Variants in CRIM1 observed in about 807,000 individuals in gnomAD.
CRIM1 encodes the protein cysteine rich transmembrane BMP regulator 1.
Under a neutral mutation model 116.4 loss-of-function variants are expected in CRIM1, and 32 were observed. That is an observed-to-expected ratio of 0.27 (90% CI 0.21 to 0.37). The LOEUF is 0.37. Among genes scored for constraint, CRIM1 ranks in the 10% least tolerant of loss-of-function variants. CRIM1 has a pLI of 1.00. For missense variants in CRIM1, 1,331 were observed against 1,354.8 expected (o/e 0.98, Z 0.28); for synonymous variants, 590 against 509.2 (o/e 1.16, Z -2.13).
intron 1 of CRIM1, among the ~76,000 whole-genome samples, chr2:36,381,500 G>A (rs1209859692): frequency 6.6e-6 from 1 of 152,228 alleles, no homozygotes; most frequent in East Asian, 1.9e-4. Flanking sequence ...AGGCCAGAAT[G>A]CAGAAGCAAT....
intron 2 of CRIM1, among the ~76,000 whole-genome samples, chr2:36,404,650 C>G (rs1672655922): frequency 6.6e-6 from 1 of 152,178 alleles, no homozygotes; most frequent in East Asian, 1.9e-4. Flanking sequence ...TCTAAATGAC[C>G]TAAATTGCAA....
intron 2 of CRIM1, among the ~76,000 whole-genome samples, chr2:36,405,509 C>T (rs761179149): frequency 3.3e-5 from 5 of 152,198 alleles, no homozygotes; most frequent in Non-Finnish European, 7.3e-5. Flanking sequence ...GATGGTCACA[C>T]AGAGAGCTGG....
intron 2 of CRIM1, among the ~76,000 whole-genome samples, chr2:36,423,500 C>T (rs1217504936): frequency 6.6e-6 from 1 of 152,168 alleles, no homozygotes; most frequent in Admixed American, 6.5e-5. Flanking sequence ...TCATTGTGTA[C>T]AGACATTTCC....
intron 5 of CRIM1, among the ~76,000 whole-genome samples, chr2:36,466,055 T>G (rs1677996172): frequency 6.6e-6 from 1 of 151,910 alleles, no homozygotes; most frequent in African/African-American, 2.4e-5. Context: ...GCGGCTAATT[T>G]TTTTGTATTT....
intron 2 of CRIM1, among the ~76,000 whole-genome samples, chr2:36,409,232 C>A (rs776269392): frequency 6.6e-6 from 1 of 152,134 alleles, no homozygotes; most frequent in African/African-American, 2.4e-5. Flanking sequence ...TATGCCCTCC[C>A]TATTCTTTTA....
intron 4 of CRIM1, among the ~76,000 whole-genome samples, chr2:36,453,134 A>G (rs1205744181): frequency 1.3e-5 from 2 of 152,214 alleles, no homozygotes; most frequent in African/African-American, 4.8e-5. Context: ...TACATTGGAT[A>G]TGGCTTATTG....
intron 1 of CRIM1, chr2:36,378,364 G>T: frequency 2.1e-6 from 1 of 471,138 alleles, no homozygotes; most frequent in Non-Finnish European, 4.4e-6. Context: ...TAGCTGCGGG[G>T]TATTGAATTT....
At chr2:36,496,445 T>A (rs558235950) in intron 7 of CRIM1, among the ~76,000 whole-genome samples, 1 of 152,326 alleles carries the variant, frequency 6.6e-6, no homozygotes, top group Non-Finnish European at 1.5e-5. Context: ...TCCCTGTTTC[T>A]TTCATCTAAT....
intron 12 of CRIM1, 113 bp downstream of exon 12, chr2:36,517,655 C>A (rs1346878337): frequency 3.0e-6 from 3 of 988,034 alleles, no homozygotes; most frequent in Non-Finnish European, 4.4e-6. Flanking sequence ...TGTGCCAAAC[C>A]CAGTATCCCA....
At chr2:36,425,393 G>A (rs893710178) in intron 2 of CRIM1, among the ~76,000 whole-genome samples, 2 of 152,286 alleles carry the variant, frequency 1.3e-5, no homozygotes, top group Admixed American at 6.5e-5. Flanking sequence ...TTCACTAGGA[G>A]TACTGGTACA....
chr2:36,355,787 G>T lies in CRIM1; in HGVS notation c.-506G>T, dbSNP rs900255355. 4 of 151,552 alleles carry T rather than the reference G, an allele frequency of 2.6e-5. No individual in the cohort carries two copies. Among genetic ancestry groups the T allele is most frequent in the African/African-American group, 9.7e-5 (4 of 41,260 alleles). The allele number at this position is 151,552 out of a possible 1,614,324, so 9.4% of individuals were successfully genotyped here. A position where few individuals can be genotyped will look rare whatever the true frequency, so the allele number is the denominator to read the frequency against. On this transcript the variant is annotated 5_prime_UTR_variant, in exon 1 of 17. Transcript: ENST00000280527. ...CCCGGAGGAGCGGCGCAGGAGTGAG[G>T]CGAGCGGGGCGCGCGGAGCGGACGC...
At chr2:36,397,908 A>G (rs892216811) in intron 2 of CRIM1, among the ~76,000 whole-genome samples, 1 of 152,186 alleles carries the variant, frequency 6.6e-6, no homozygotes, top group Non-Finnish European at 1.5e-5. Context: ...TGGGAAACTG[A>G]GTTTCCACGC....
At chr2:36,450,982 C>A (rs1676674617) in intron 4 of CRIM1, among the ~76,000 whole-genome samples, 1 of 152,142 alleles carries the variant, frequency 6.6e-6, no homozygotes, top group Non-Finnish European at 1.5e-5. Context: ...ATGAGGCCAG[C>A]CGAATGGAAT....
intron 13 of CRIM1, among the ~76,000 whole-genome samples, chr2:36,533,853 T>G (rs1022417926): frequency 6.6e-6 from 1 of 151,974 alleles, no homozygotes; most frequent in Non-Finnish European, 1.5e-5. Flanking sequence ...CATAGCCAGG[T>G]GCTTTAGGTC....
intron 7 of CRIM1, among the ~76,000 whole-genome samples, chr2:36,493,468 A>G (rs568723616): frequency 3.9e-5 from 6 of 152,176 alleles, no homozygotes; most frequent in Non-Finnish European, 7.3e-5. Context: ...GACCATCAGA[A>G]TCTGGAAACA....
At chr2:36,525,313 T>C (rs947394516) in intron 13 of CRIM1, among the ~76,000 whole-genome samples, 2 of 152,228 alleles carry the variant, frequency 1.3e-5, no homozygotes, top group Non-Finnish European at 2.9e-5. Flanking sequence ...GACTATGATA[T>C]AGGGATTTCC....
chr2:36,466,904 G>C (rs74544211), intron 5 of CRIM1, among the ~76,000 whole-genome samples: 1 of 152,224 alleles, frequency 6.6e-6, no homozygotes, highest in East Asian at 1.9e-4. Flanking sequence ...TGAGGAACCG[G>C]AGTGCCCTTC....
At chr2:36,405,053 T>A (rs941664039) in intron 2 of CRIM1, among the ~76,000 whole-genome samples, 8 of 152,248 alleles carry the variant, frequency 5.3e-5, no homozygotes, top group African/African-American at 1.9e-4. Context: ...GTGTGTGGCC[T>A]AATAAAATGT....
chr2:36,550,033 G>A lies in CRIM1; in HGVS notation c.*1332G>A, dbSNP rs1287255696. On this transcript the variant is annotated 3_prime_UTR_variant, in exon 17 of 17. Coordinates refer to ENST00000280527, the MANE Select transcript of CRIM1 (RefSeq NM_016441.3). Reference sequence around the variant, plus strand: ...TTTAATTGGAAAGATGTGTGTGTGAGAGTATGTATGTGTGTGTGTGTGTGT... The same window carrying A: ...TTTAATTGGAAAGATGTGTGTGTGAAAGTATGTATGTGTGTGTGTGTGTGT... 2.0e-5 allele frequency: 3 copies of A among 148,690 alleles called. No homozygotes were observed. The highest frequency in any genetic ancestry group is 4.4e-5 in the Non-Finnish European group (3 of 67,484). 9.2% of individuals were successfully genotyped at this position (148,690 alleles called of 1,614,324 possible). A position where few individuals can be genotyped will look rare whatever the true frequency, so the allele number is the denominator to read the frequency against.
Sources: gnomAD v4.1 joint callset for allele counts (sites outside exome capture counted in the v4.1 genomes callset) on GRCh38, gnomAD v4.1.1 for gene constraint, MANE v1.5 for transcripts, NCBI Gene and HGNC (gene_info 2026-07-23, HGNC 2026-07-21) for gene names.